The following SGCD variants were observed in gnomAD, a reference collection of about 807,000 sequenced individuals.
The protein encoded by SGCD is sarcoglycan delta.
In SGCD, 18 loss-of-function variants were observed where a neutral mutation model predicts 36.6. The ratio of observed to expected loss-of-function variants is 0.49; its 90% CI spans 0.34 to 0.73. The LOEUF (loss-of-function observed/expected upper bound fraction) is 0.73. Ranked by LOEUF, SGCD falls within the 30% of genes least tolerant of loss-of-function variation. SGCD has a pLI of 0.01. For synonymous variants in SGCD, 133 were observed against 130.6 expected (o/e 1.02, Z -0.12); for missense variants, 387 against 346.7 (o/e 1.12, Z -0.92).
intron 3 of SGCD, among the ~76,000 whole-genome samples, chr5:156,273,808 A>T (rs909347641): frequency 3.9e-5 from 6 of 152,004 alleles, no homozygotes; most frequent in Admixed American, 6.6e-5. Flanking sequence ...AACACTTTTT[A>T]AAAAAAGTCC....
the SGCD span, among the ~76,000 whole-genome samples, chr5:155,838,728 ATAAAAATCAAAC>A: frequency 1.3e-5 from 2 of 151,774 alleles, no homozygotes; most frequent in East Asian, 3.9e-4. Context: ...CAGTGCAGAT[ATAAAAATCAAAC>A]TCTTTTCCAT....
chr5:156,349,748 A>T (rs1769139324), intron 3 of SGCD, among the ~76,000 whole-genome samples: 1 of 152,086 alleles, frequency 6.6e-6, no homozygotes. Flanking sequence ...CTGGGTAACT[A>T]CCCAAAAGAA....
intron 3 of SGCD, among the ~76,000 whole-genome samples, chr5:156,389,248 T>C (rs1439489312): frequency 1.3e-5 from 2 of 152,216 alleles, no homozygotes; most frequent in Admixed American, 6.5e-5. Flanking sequence ...TATTTGAAAT[T>C]GTGCCATGGA....
chr5:156,172,318 CA>C (rs945191130), intron 3 of SGCD, among the ~76,000 whole-genome samples: 3 of 151,982 alleles, frequency 2.0e-5, no homozygotes, highest in African/African-American at 7.2e-5. Flanking sequence ...ACAAAAAACC[CA>C]AAAAATCAGT....
chr5:156,081,199 A>T (rs1311556399), intron 1 of SGCD, among the ~76,000 whole-genome samples: 1 of 152,062 alleles, frequency 6.6e-6, no homozygotes, highest in African/African-American at 2.4e-5. Context: ...TAGTGAGGAG[A>T]TGCCATACAC....
intron 3 of SGCD, among the ~76,000 whole-genome samples, chr5:156,208,238 T>G (rs1008465051): frequency 1.3e-5 from 2 of 152,240 alleles, no homozygotes; most frequent in Non-Finnish European, 2.9e-5. Flanking sequence ...AGCCCAGTTT[T>G]GCCTGTCTTC....
chr5:156,383,989 T>A (rs1771135795), intron 3 of SGCD, among the ~76,000 whole-genome samples: 1 of 152,218 alleles, frequency 6.6e-6, no homozygotes, highest in Non-Finnish European at 1.5e-5. Context: ...CTCATGCTCA[T>A]CCTAGGGTCC....
chr5:156,742,771 C>G lies in SGCD; in HGVS notation c.576-14810C>G, dbSNP rs184224723. ...AGATGGTATTAATATAAATTCCAAT[C>G]TGAAGGCAGAAGACTAATGTCTCAA... On this transcript the variant is annotated intron_variant, in intron 7 of 8. Transcript: ENST00000337851. Among the ~76,000 whole-genome samples the G allele has an allele frequency of 3.9e-4, 60 of 152,296 alleles. 1 individual carries two copies. The East Asian group carries it at 0.011, about 29-fold the overall frequency.
intron 1 of SGCD, among the ~76,000 whole-genome samples, chr5:155,985,099 T>C (rs1485954762): frequency 1.3e-5 from 2 of 152,224 alleles, no homozygotes; most frequent in African/African-American, 4.8e-5. Context: ...AGTTGTCTAT[T>C]CCTGAAGTAA....
chr5:156,409,434 A>G (rs1772620650), intron 3 of SGCD, among the ~76,000 whole-genome samples: 2 of 152,218 alleles, frequency 1.3e-5, no homozygotes, highest in African/African-American at 4.8e-5. Context: ...TCGCCCACGC[A>G]TCAGACCATA....
intron 6 of SGCD, among the ~76,000 whole-genome samples, chr5:156,618,395 T>C (rs1762099538): frequency 6.6e-6 from 1 of 152,126 alleles, no homozygotes; most frequent in African/African-American, 2.4e-5. Flanking sequence ...ACAGGAATAA[T>C]GTATTAGATC....
At chr5:156,049,967 C>T (rs887539470) in intron 1 of SGCD, among the ~76,000 whole-genome samples, 5 of 146,506 alleles carry the variant, frequency 3.4e-5, no homozygotes, top group African/African-American at 9.8e-5. Context: ...TTTGAATGGG[C>T]AAAGAAAGTG....
intron 4 of SGCD, among the ~76,000 whole-genome samples, chr5:156,576,780 T>C (rs569037451): frequency 4.7e-4 from 71 of 152,060 alleles, no homozygotes; most frequent in African/African-American, 1.6e-3. Context: ...TTTTTTTTTC[T>C]TGTAAATGTA....
At chr5:156,166,313 C>T (rs1763211394) in intron 3 of SGCD, among the ~76,000 whole-genome samples, 1 of 151,804 alleles carries the variant, frequency 6.6e-6, no homozygotes. Context: ...AGCTGAGTTA[C>T]TCCATAACTT....
At chr5:156,591,323 A>T (rs1282890460) in intron 5 of SGCD, among the ~76,000 whole-genome samples, 2 of 152,196 alleles carry the variant, frequency 1.3e-5, no homozygotes, top group Admixed American at 6.5e-5. Flanking sequence ...CTAATGTTAG[A>T]TGTCCAGGAA....
At chr5:156,093,364 G>T in intron 1 of SGCD, among the ~76,000 whole-genome samples, 1 of 152,204 alleles carries the variant, frequency 6.6e-6, no homozygotes, top group African/African-American at 2.4e-5. Flanking sequence ...GCAGCACCCT[G>T]TTTTTTTAAC....
chr5:156,030,534 C>T (rs1199906932), intron 1 of SGCD, among the ~76,000 whole-genome samples: 3 of 152,172 alleles, frequency 2.0e-5, no homozygotes, highest in African/African-American at 7.2e-5. Context: ...TTCTAGCCTC[C>T]AGAACTGTGA....
intron 7 of SGCD, among the ~76,000 whole-genome samples, chr5:156,706,391 G>A (rs1754742761): frequency 6.6e-6 from 1 of 152,072 alleles, no homozygotes. Flanking sequence ...TATTTCCCCT[G>A]ATTTTTGATC....
At chr5:156,053,565 C>T (rs1759977435) in intron 1 of SGCD, among the ~76,000 whole-genome samples, 1 of 145,742 alleles carries the variant, frequency 6.9e-6, no homozygotes, top group South Asian at 2.2e-4. Flanking sequence ...CATTAAACTC[C>T]AAGTGCAGGA....
Sources: allele counts gnomAD v4.1 joint callset (sites outside exome capture counted in the v4.1 genomes callset), GRCh38; gene constraint gnomAD v4.1.1; transcripts MANE v1.5; gene names NCBI Gene and HGNC (gene_info 2026-07-23, HGNC 2026-07-21).